The following HCK variants were observed in gnomAD, a reference collection of about 807,000 sequenced individuals.
HCK encodes the protein HCK proto-oncogene, Src family tyrosine kinase, also known as tyrosine-protein kinase HCK.
Under a neutral mutation model 70.4 loss-of-function variants are expected in HCK, and 40 were observed. That is an observed-to-expected ratio of 0.57 (90% CI 0.44 to 0.74). The LOEUF is 0.74. HCK is among the 30% of genes least tolerant of loss of function. The pLI, the probability that HCK is intolerant of heterozygous loss-of-function variation, is 0.00. For synonymous variants in HCK, 245 were observed against 263.2 expected, an observed-to-expected ratio of 0.93 and a Z score of 0.67; for missense variants, 568 against 697.2, an observed-to-expected ratio of 0.81 and a Z score of 2.09.
At chr20:32,054,313 T>C (rs1255376133) in intron 1 of HCK, 1 of 455,592 alleles carries the variant, frequency 2.2e-6, no homozygotes, top group Middle Eastern at 3.3e-4. Context: ...GATTGTTTTG[T>C]GTGCTTTAAA....
Position 32,056,359 on chromosome 20 carries a change from C to CA in HCK, c.62+3880dup, listed in dbSNP as rs899701038. On this transcript the variant is annotated intron_variant, in intron 1 of 12. Coordinates refer to ENST00000375852, the MANE Select transcript of HCK (RefSeq NM_002110.5). The stretch of plus-strand genomic sequence containing the variant: ...AAACCTCGTCTCTACTAAAAAAATA[C>CA]AAAAAAATTAGCCGGGCATTGTGGT... 3.0e-4 allele frequency among the ~76,000 whole-genome samples: 45 copies of CA among 152,024 alleles called. No homozygotes were observed. The South Asian group carries it at 6.7e-3, about 22-fold the overall frequency.
chr20:32,071,037 T>TAAA (rs1443848027), intron 1 of HCK, among the ~76,000 whole-genome samples: 2 of 152,002 alleles, frequency 1.3e-5, no homozygotes, highest in Non-Finnish European at 2.9e-5. Flanking sequence ...ATACCAGTAA[T>TAAA]ACGGTGCCTT....
Position 32,068,100 on chromosome 20 carries a change from C to A in HCK, c.63-3562C>A, listed in dbSNP as rs533972208. The stretch of plus-strand genomic sequence containing the variant: ...TCACCTGAGGTTGGGAGTTCAAGAC[C>A]AGCCTGACCAACGTGGTGAAACCCT... On this transcript the variant is annotated intron_variant, in intron 1 of 12. Coordinates refer to ENST00000375852, the MANE Select transcript of HCK (RefSeq NM_002110.5). Among the ~76,000 whole-genome samples, 4 of 151,974 alleles carry A rather than the reference C, an allele frequency of 2.6e-5. No homozygotes were observed. The East Asian group carries it at 7.7e-4, about 29-fold the overall frequency.
chr20:32,074,895 G>C (rs903041321), intron 5 of HCK, among the ~76,000 whole-genome samples, 174 bp downstream of exon 5: 2 of 152,178 alleles, frequency 1.3e-5, no homozygotes, highest in Non-Finnish European at 2.9e-5. Flanking sequence ...TCAGGGAAGA[G>C]AGGCTAAAGT....
intron 1 of HCK, among the ~76,000 whole-genome samples, chr20:32,054,877 G>A (rs2045245787): frequency 6.6e-6 from 1 of 152,180 alleles, no homozygotes; most frequent in African/African-American, 2.4e-5. Flanking sequence ...GATAGCAGAG[G>A]AGCATATTTG....
intron 7 of HCK, 30 bp downstream of exon 7, chr20:32,084,073 ACCACGATGGGC>A: frequency 6.2e-7 from 1 of 1,605,992 alleles, no homozygotes; most frequent in Non-Finnish European, 8.5e-7. Context: ...TGACATCCCC[ACCACGATGGGC>A]CCACAGACTC....
intron 1 of HCK, 60 bp from the exon 2 acceptor site, chr20:32,071,599 CAGA>C (rs2045539372): frequency 6.3e-7 from 1 of 1,587,704 alleles, no homozygotes; most frequent in Admixed American, 1.7e-5. Context: ...ATGCCAGCAT[CAGA>C]AGACTTCCCC....
intron 10 of HCK, among the ~76,000 whole-genome samples, chr20:32,091,621 AT>A (rs1195341512): frequency 6.6e-6 from 1 of 151,638 alleles, no homozygotes; most frequent in East Asian, 1.9e-4. Context: ...CCTCATCCCC[AT>A]TTCGTCCCCA....
chr20:32,057,591 C>T (rs2045292004), intron 1 of HCK, among the ~76,000 whole-genome samples: 1 of 152,098 alleles, frequency 6.6e-6, no homozygotes, highest in Non-Finnish European at 1.5e-5. Context: ...CAGAGCAAGA[C>T]CCTGTCTCAT....
rs1400340585 is a variant in HCK at position 32,074,630 on chromosome 20, G to A, written c.337G>A (p.Glu113Lys). 1 of 1,611,760 alleles carries A rather than the reference G, an allele frequency of 6.2e-7. No homozygotes were observed. The highest frequency in any genetic ancestry group is 8.5e-7 in the Non-Finnish European group (1 of 1,177,974). The change falls in exon 5 of 13, where the codon GAG becomes AAG. Residue 113 changes from glutamate (E) to lysine (K), a missense_variant. By Grantham distance (56) the Glu-to-Lys change is moderately conservative. Around this residue, in one of 4 missense-constraint regions of HCK, gnomAD observed 318 missense variants for 336.0 expected, o/e 0.95. Transcript: ENST00000375852. ...CTCCCTCATGTCCCTCAGATCCGGG[G>A]AGTGGTGGAAGGCTCGATCCCTGGC...
chr20:32,077,497 G>A (rs763917853), intron 5 of HCK, among the ~76,000 whole-genome samples: 1 of 148,290 alleles, frequency 6.7e-6, no homozygotes, highest in Admixed American at 6.8e-5. Context: ...GACCTTCCAT[G>A]CAGCACCTTG....
intron 5 of HCK, among the ~76,000 whole-genome samples, chr20:32,078,072 T>A (rs2045653240): frequency 6.6e-6 from 1 of 151,834 alleles, no homozygotes; most frequent in Admixed American, 6.6e-5. Context: ...TCTCGCTCTG[T>A]TGCCCAGGCT....
At chr20:32,099,905 T>C (rs1180986177) in intron 12 of HCK, among the ~76,000 whole-genome samples, 2 of 145,928 alleles carry the variant, frequency 1.4e-5, no homozygotes, top group African/African-American at 5.0e-5. Context: ...TCTCCACCTT[T>C]TTTTTTTTTT....
At chr20:32,077,482 G>A (rs749110895) in intron 5 of HCK, among the ~76,000 whole-genome samples, 2 of 151,874 alleles carry the variant, frequency 1.3e-5, no homozygotes, top group Non-Finnish European at 2.9e-5. Flanking sequence ...CATGCCTCTC[G>A]TTCAGACCTT....
At chr20:32,070,598 G>C in intron 1 of HCK, among the ~76,000 whole-genome samples, 1 of 152,024 alleles carries the variant, frequency 6.6e-6, no homozygotes, top group Non-Finnish European at 1.5e-5. Flanking sequence ...TTCCCCAAAT[G>C]CCCTGCCTAA....
At chr20:32,098,167 C>T (rs959115357) in intron 11 of HCK, among the ~76,000 whole-genome samples, 1 of 152,018 alleles carries the variant, frequency 6.6e-6, no homozygotes, top group African/African-American at 2.4e-5. Flanking sequence ...CCTGTCTCAG[C>T]CTGTAGCTGG....
chr20:32,067,567 T>C (rs1393544376), intron 1 of HCK, among the ~76,000 whole-genome samples: 1 of 123,648 alleles, frequency 8.1e-6, no homozygotes, highest in African/African-American at 2.9e-5. Flanking sequence ...CGTCTTATGG[T>C]GCTCAGACAC....
chr20:32,052,354 T>A lies in HCK; in HGVS notation c.-71T>A. 1 of 1,130,298 alleles carries A rather than the reference T, an allele frequency of 8.8e-7. No individual in the cohort carries two copies. Among genetic ancestry groups the A allele is most frequent in the Non-Finnish European group, 1.1e-6 (1 of 870,994 alleles). 70.0% of individuals were successfully genotyped at this position (1,130,298 alleles called of 1,614,324 possible). The stretch of plus-strand genomic sequence containing the variant: ...CGCGGCACCAAAGCCCCTCAGAGCG[T>A]CGCCCCCGCCTCTAGTTCTAGAAAG... On this transcript the variant is annotated 5_prime_UTR_variant, in exon 1 of 13. Coordinates refer to ENST00000375852, the MANE Select transcript of HCK (RefSeq NM_002110.5).
At chr20:32,054,425 G>T (rs1174542607) in intron 1 of HCK, 16 of 382,498 alleles carry the variant, frequency 4.2e-5, no homozygotes, top group Non-Finnish European at 7.3e-5. Flanking sequence ...GCAGTGAGCC[G>T]AGATCGCGCC....
Sources: allele counts gnomAD v4.1 joint callset (sites outside exome capture counted in the v4.1 genomes callset), GRCh38; gene constraint gnomAD v4.1.1; regional missense constraint gnomAD v4.1.1; transcripts MANE v1.5; gene names NCBI Gene and HGNC (gene_info 2026-07-23, HGNC 2026-07-21).